The following ARHGAP15 variants were observed in gnomAD, a reference collection of about 807,000 sequenced individuals.
ARHGAP15 encodes Rho GTPase activating protein 15, also known as rho GTPase-activating protein 15.
ARHGAP15 carries 51 observed loss-of-function variants against 63.7 expected under a neutral mutation model. The ratio of observed to expected loss-of-function variants is 0.80; its 90% CI spans 0.64 to 1.01. The LOEUF is 1.01. ARHGAP15 is among the 50% of genes least tolerant of loss of function. The probability of loss-of-function intolerance (pLI) is 0.00; values close to 1 mark genes in which losing one functional copy is unlikely to be tolerated. For synonymous variants in ARHGAP15, 191 were observed against 193.8 expected, an observed-to-expected ratio of 0.99 and a Z score of 0.12; for missense variants, 560 against 564.6, an observed-to-expected ratio of 0.99 and a Z score of 0.08.
chr2:143,506,596 C>A (rs778067648), intron 9 of ARHGAP15, among the ~76,000 whole-genome samples: 1 of 152,106 alleles, frequency 6.6e-6, no homozygotes, highest in Non-Finnish European at 1.5e-5. Context: ...CCTTTGCTGG[C>A]CCTCTCTGTA....
At chr2:143,379,487 ATGTGTGTGTGTGTGTG>A (rs58976215) in intron 6 of ARHGAP15, among the ~76,000 whole-genome samples, 4 of 129,764 alleles carry the variant, frequency 3.1e-5, no homozygotes, top group East Asian at 2.2e-4. Flanking sequence ...AGGCATATAT[ATGTGTGTGTGTGTGTG>A]TGTGTGTGTG....
intron 11 of ARHGAP15, among the ~76,000 whole-genome samples, chr2:143,623,081 G>C (rs1698701325): frequency 6.6e-6 from 1 of 152,188 alleles, no homozygotes; most frequent in African/African-American, 2.4e-5. Flanking sequence ...AAAATGATTA[G>C]TTTAAGGTTT....
intron 11 of ARHGAP15, among the ~76,000 whole-genome samples, chr2:143,576,202 A>G (rs1338192393): frequency 1.3e-5 from 2 of 152,148 alleles, no homozygotes; most frequent in Non-Finnish European, 2.9e-5. Flanking sequence ...GTGCCACTGA[A>G]GGGAATTCTT....
chr2:143,239,622 C>T (rs1421793893), intron 5 of ARHGAP15, among the ~76,000 whole-genome samples: 1 of 152,130 alleles, frequency 6.6e-6, no homozygotes. Context: ...AAATGGGCAA[C>T]ATAAAAGGCC....
chr2:143,292,705 A>C (rs1339323060), intron 6 of ARHGAP15, among the ~76,000 whole-genome samples: 1 of 151,978 alleles, frequency 6.6e-6, no homozygotes, highest in Non-Finnish European at 1.5e-5. Context: ...TAGTTCCAAA[A>C]CTTTAAAATA....
intron 11 of ARHGAP15, among the ~76,000 whole-genome samples, chr2:143,623,831 T>G (rs560585513): frequency 6.6e-6 from 1 of 152,382 alleles, no homozygotes; most frequent in East Asian, 1.9e-4. Context: ...TGTTGAGCTG[T>G]GATGCTAATT....
At chr2:143,657,672 GTAAAC>G (rs1297025240) in intron 12 of ARHGAP15, among the ~76,000 whole-genome samples, 1 of 152,178 alleles carries the variant, frequency 6.6e-6, no homozygotes, top group Non-Finnish European at 1.5e-5. Flanking sequence ...TTGAAAATGA[GTAAAC>G]TATTGTTTTG....
chr2:143,734,781 T>C (rs1685681109), intron 13 of ARHGAP15, among the ~76,000 whole-genome samples: 1 of 152,024 alleles, frequency 6.6e-6, no homozygotes, highest in African/African-American at 2.4e-5. Context: ...CCTGAATGGA[T>C]TTCTGTTTCT....
intron 6 of ARHGAP15, among the ~76,000 whole-genome samples, chr2:143,372,918 T>G (rs1043893352): frequency 2.0e-5 from 3 of 151,558 alleles, no homozygotes; most frequent in South Asian, 4.2e-4. Flanking sequence ...GGACACCTTT[T>G]AAAAGCCTAT....
intron 10 of ARHGAP15, among the ~76,000 whole-genome samples, chr2:143,553,645 A>G (rs1695667207): frequency 6.6e-6 from 1 of 152,198 alleles, no homozygotes; most frequent in Non-Finnish European, 1.5e-5. Flanking sequence ...TAAACAGTAT[A>G]CTGCTTTCCA....
intron 13 of ARHGAP15, among the ~76,000 whole-genome samples, chr2:143,732,754 G>A (rs748048128): frequency 2.6e-5 from 4 of 151,740 alleles, no homozygotes; most frequent in African/African-American, 4.8e-5. Flanking sequence ...ATAGCTCCTG[G>A]TTTGAAAATG....
intron 6 of ARHGAP15, among the ~76,000 whole-genome samples, chr2:143,356,937 G>C (rs750771038): frequency 6.6e-6 from 1 of 152,120 alleles, no homozygotes; most frequent in Admixed American, 6.6e-5. Context: ...TTATTAGCAC[G>C]CTGGTGCAGT....
At chr2:143,329,715 C>T (rs1684420253) in intron 6 of ARHGAP15, among the ~76,000 whole-genome samples, 1 of 152,092 alleles carries the variant, frequency 6.6e-6, no homozygotes, top group South Asian at 2.1e-4. Flanking sequence ...CACTATAAAA[C>T]TTGTCAATTT....
At chr2:143,716,536 A>T (rs958882109) in intron 13 of ARHGAP15, among the ~76,000 whole-genome samples, 3 of 152,174 alleles carry the variant, frequency 2.0e-5, no homozygotes, top group African/African-American at 7.2e-5. Context: ...TACTACCTTG[A>T]ATTATTTAGC....
chr2:143,361,447 T>C (rs930574570), intron 6 of ARHGAP15, among the ~76,000 whole-genome samples: 2 of 152,192 alleles, frequency 1.3e-5, no homozygotes, highest in Non-Finnish European at 1.5e-5. Context: ...TATTAAAGAA[T>C]TGGAATTGTC....
chr2:143,216,423 G>T lies in ARHGAP15; in HGVS notation c.274G>T (p.Ala92Ser), dbSNP rs201268929. 123 of 1,609,854 alleles carry T rather than the reference G, an allele frequency of 7.6e-5. No individual in the cohort carries two copies. Among genetic ancestry groups the T allele is most frequent in the Non-Finnish European group, 9.8e-5 (115 of 1,178,174 alleles). ...AGGTTATCTGCAAAAAGCTAAAATT[G>T]CAGATGGAGGAAAGAAACTAAGGTA... ...KEGYLQKAKI[A>S]DGGKKLRKNW... Residue 92 changes from alanine to serine, a missense_variant, in exon 4 of 14, where the codon GCA (alanine) becomes TCA (serine). Coordinates refer to ENST00000295095, the MANE Select transcript of ARHGAP15 (RefSeq NM_018460.4).
intron 6 of ARHGAP15, among the ~76,000 whole-genome samples, chr2:143,300,216 T>TCATTG (rs1352410531): frequency 2.0e-5 from 3 of 152,006 alleles, no homozygotes; most frequent in African/African-American, 7.2e-5. Context: ...CACATGGAAA[T>TCATTG]ACATCATTCA....
At position 143,561,429 on chromosome 2, in the gene ARHGAP15, C is replaced by T. The variant is rs143588029; in HGVS notation, c.1003+4944C>T. On this transcript the variant is annotated intron_variant, in intron 11 of 13. Coordinates refer to ENST00000295095, the MANE Select transcript of ARHGAP15 (RefSeq NM_018460.4). ...TTCCAGATGGGTGTCTGTTAGTACA[C>T]AGTTACAAATATTCTCTCTGTTTTC... Among the ~76,000 whole-genome samples, 843 of 152,266 alleles carry T rather than the reference C, an allele frequency of 5.5e-3. 9 individuals carry two copies. Among genetic ancestry groups the T allele is most frequent in the African/African-American group, 0.019 (780 of 41,554 alleles).
At chr2:143,406,126 T>C (rs1314412508) in intron 6 of ARHGAP15, among the ~76,000 whole-genome samples, 2 of 151,942 alleles carry the variant, frequency 1.3e-5, no homozygotes, top group Non-Finnish European at 1.5e-5. Flanking sequence ...CTTTTGTTGT[T>C]TTCTCATATC....
Sources: gnomAD v4.1 joint callset for allele counts (sites outside exome capture counted in the v4.1 genomes callset) on GRCh38, gnomAD v4.1.1 for gene constraint, MANE v1.5 for transcripts, NCBI Gene and HGNC (gene_info 2026-07-23, HGNC 2026-07-21) for gene names.